The following DNAJB4 variants were observed in gnomAD, a reference collection of about 807,000 sequenced individuals.
DNAJB4 encodes the protein dnaJ homolog subfamily B member 4.
In DNAJB4, 10 loss-of-function variants were observed where a neutral mutation model predicts 26.6. The ratio of observed to expected loss-of-function variants is 0.38; its 90% CI spans 0.23 to 0.64. DNAJB4 has a LOEUF of 0.64. DNAJB4 is among the 30% of genes least tolerant of loss of function. The probability of loss-of-function intolerance (pLI) is 0.58; values close to 1 mark genes in which losing one functional copy is unlikely to be tolerated. For missense variants in DNAJB4, 328 were observed against 408.2 expected, an observed-to-expected ratio of 0.80 and a Z score of 1.69; for synonymous variants, 136 against 134.8, an observed-to-expected ratio of 1.01 and a Z score of -0.06.
intron 1 of DNAJB4, among the ~76,000 whole-genome samples, chr1:77,991,505 G>A (rs1659930973): frequency 6.6e-6 from 1 of 152,124 alleles, no homozygotes; most frequent in South Asian, 2.1e-4. Flanking sequence ...CCACCACCTT[G>A]GGAGGCTGAG....
intron 1 of DNAJB4, among the ~76,000 whole-genome samples, chr1:78,012,035 CAACT>C (rs1043333941): frequency 2.7e-5 from 4 of 148,644 alleles, no homozygotes; most frequent in Non-Finnish European, 5.9e-5. Context: ...GAAGACCTTC[CAACT>C]GACATCTTTT....
intron 1 of DNAJB4, chr1:77,992,742 T>C (rs1330114179): frequency 1.3e-5 from 2 of 152,254 alleles, no homozygotes; most frequent in East Asian, 1.9e-4. Flanking sequence ...TTATTCTTTT[T>C]TTTTGAGACA....
chr1:77,996,476 A>G (rs986306636), intron 1 of DNAJB4, among the ~76,000 whole-genome samples: 14 of 152,064 alleles, frequency 9.2e-5, no homozygotes, highest in Non-Finnish European at 1.8e-4. Context: ...TTAAGTATAA[A>G]ATATGTCTGA....
chr1:77,980,865 C>A (rs907579542), intron 1 of DNAJB4, among the ~76,000 whole-genome samples: 2 of 152,094 alleles, frequency 1.3e-5, no homozygotes, highest in Non-Finnish European at 2.9e-5. Context: ...ATGGCCATCC[C>A]TATAAATTTT....
At chr1:78,004,562 A>G (rs28362660), upstream of DNAJB4, 7,231 of 152,326 alleles carry the variant, frequency 0.047, 229 homozygotes, top group East Asian at 0.11. Context: ...CCTAAAGTAG[A>G]ATTGTCGTTC....
intron 1 of DNAJB4, among the ~76,000 whole-genome samples, chr1:77,988,556 T>C (rs771893587): frequency 2.0e-5 from 3 of 152,242 alleles, no homozygotes; most frequent in African/African-American, 4.8e-5. Flanking sequence ...TCCTCAAAGA[T>C]GCCTTGCATT....
intron 1 of DNAJB4, among the ~76,000 whole-genome samples, chr1:77,984,743 C>T (rs74330204): frequency 0.011 from 1,705 of 152,204 alleles, 8 homozygotes; most frequent in Non-Finnish European, 0.017. Context: ...ATTCTTTATT[C>T]CACTTATCAT....
At chr1:78,010,461 G>A (rs1374402248) in intron 1 of DNAJB4, among the ~76,000 whole-genome samples, 1 of 151,824 alleles carries the variant, frequency 6.6e-6, no homozygotes, top group Non-Finnish European at 1.5e-5. Context: ...GGGAAATTTG[G>A]ATGAGCTGCT....
chr1:78,015,924 G>C lies in DNAJB4; in HGVS notation c.781-90G>C, dbSNP rs928187727. Reference sequence around the variant, plus strand: ...TTTTGGAGGTTAAAGTTTTACCTTAGTGGTATTATCCTTTACCATCTGGTA... The same window carrying C: ...TTTTGGAGGTTAAAGTTTTACCTTACTGGTATTATCCTTTACCATCTGGTA... On this transcript the variant is annotated intron_variant, in intron 2 of 2. Transcript: ENST00000370763. The C allele has an allele frequency of 1.6e-5, 17 of 1,043,730 alleles. No individual in the cohort carries two copies. In the African/African-American group the frequency reaches 2.4e-4, roughly 15 times the overall value. 64.7% of individuals were successfully genotyped at this position (1,043,730 alleles called of 1,614,324 possible). A position where few individuals can be genotyped will look rare whatever the true frequency, so the allele number is the denominator to read the frequency against.
chr1:78,017,380 T>C lies in DNAJB4; in HGVS notation c.*1133T>C, dbSNP rs921259994. On this transcript the variant is annotated 3_prime_UTR_variant, in exon 3 of 3. Transcript: ENST00000370763. ...TGTTTTGAAGCAAAATTTTTGGTTA[T>C]AAAATAGTTTTCAGGATTATATATA... is the stretch of plus-strand genomic sequence containing the variant. 2.0e-5 allele frequency: 3 copies of C among 151,952 alleles called. No homozygotes were observed. The East Asian group carries it at 5.8e-4, about 29-fold the overall frequency. 9.4% of individuals were successfully genotyped at this position (151,952 alleles called of 1,614,324 possible).
In DNAJB4 at chr1:78,005,119, A is replaced by G. The variant is rs1379073933; in HGVS notation, c.9A>G (p.Lys3=). 1.9e-6 allele frequency: 3 copies of G among 1,613,032 alleles called. No homozygotes were observed. Among genetic ancestry groups the G allele is most frequent in the African/African-American group, 1.3e-5 (1 of 74,874 alleles). Residue 3 remains lysine, a synonymous_variant, in exon 1 of 3, where the codon AAA becomes AAG. Transcript: ENST00000370763. ...ATTTCAAGGCATTCGAAATGGGGAA[A>G]GACTATTATTGCATTTTGGGAATTG... The part of the protein sequence containing the change: MG[K]DYYCILGIEK...
chr1:78,011,459 C>G lies in DNAJB4; in HGVS notation c.212-1592C>G, dbSNP rs571140832. Among the ~76,000 whole-genome samples, 150 of 151,406 alleles carry G rather than the reference C, an allele frequency of 9.9e-4. 1 individual carries two copies. Among genetic ancestry groups the G allele is most frequent in the Non-Finnish European group, 1.6e-3 (107 of 67,870 alleles). On this transcript the variant is annotated intron_variant, in intron 1 of 2. Transcript: ENST00000370763. The stretch of plus-strand genomic sequence containing the variant: ...CCTCATTATTAGAATTTTTTTCACT[C>G]TCTGACACAGAGTTCTATTTTAATT...
intron 1 of DNAJB4, among the ~76,000 whole-genome samples, chr1:77,998,947 T>TGTA (rs1660129442): frequency 6.6e-6 from 1 of 152,192 alleles, no homozygotes; most frequent in African/African-American, 2.4e-5. Context: ...AAGTTGCATT[T>TGTA]GTAGCCATCA....
rs571349267 is a variant in DNAJB4 at position 77,982,998 on chromosome 1, C to T, written c.-32+2676C>T. ...ACAAAGACAAAGTATGCTGAACCAG[C>T]GTTCAGCATATGGAGGATCCCGCCA... On this transcript the variant is annotated intron_variant, in intron 1 of 2. Transcript: ENST00000426517. Among the ~76,000 whole-genome samples the T allele has an allele frequency of 6.6e-5, 10 of 152,216 alleles. No homozygotes were observed. The East Asian group carries it at 1.9e-3, about 29-fold the overall frequency.
chr1:77,984,958 C>T (rs796205669), intron 1 of DNAJB4, among the ~76,000 whole-genome samples: 12 of 152,286 alleles, frequency 7.9e-5, no homozygotes, highest in African/African-American at 2.9e-4. Flanking sequence ...AGATTAATTG[C>T]AGAGCCAAGA....
chr1:78,013,791 A>G (rs1042044912), intron 2 of DNAJB4, among the ~76,000 whole-genome samples, 172 bp downstream of exon 2: 1 of 152,118 alleles, frequency 6.6e-6, no homozygotes, highest in Non-Finnish European at 1.5e-5. Flanking sequence ...GGATGTGATT[A>G]TATTTTCTAA....
At chr1:78,013,749 C>T (rs1195941203) in intron 2 of DNAJB4, 130 bp downstream of exon 2, 1 of 724,914 alleles carries the variant, frequency 1.4e-6, no homozygotes, top group Non-Finnish European at 2.2e-6. Context: ...TAAAAATCCT[C>T]TAAGATAGTA....
At chr1:77,989,929 C>T (rs777573260) in intron 1 of DNAJB4, among the ~76,000 whole-genome samples, 3 of 152,166 alleles carry the variant, frequency 2.0e-5, no homozygotes, top group Non-Finnish European at 2.9e-5. Context: ...GTGGATATCT[C>T]CTTATAGGGA....
chr1:77,997,249 G>A (rs900506977), intron 1 of DNAJB4, among the ~76,000 whole-genome samples: 1 of 150,948 alleles, frequency 6.6e-6, no homozygotes, highest in Non-Finnish European at 1.5e-5. Context: ...AGGTTGAGAC[G>A]GGAGGATTGC....
Sources: gnomAD v4.1 joint callset for allele counts (sites outside exome capture counted in the v4.1 genomes callset) on GRCh38, gnomAD v4.1.1 for gene constraint, MANE v1.5 for transcripts, NCBI Gene and HGNC (gene_info 2026-07-23, HGNC 2026-07-21) for gene names.